CLMN: variants seen among roughly 807,000 people sequenced by gnomAD.
CLMN encodes calmin, also known as calmin (calponin-like, transmembrane).
A neutral mutation model predicts 92.7 loss-of-function variants in CLMN; 57 were observed. That is an observed-to-expected ratio of 0.61 (90% CI 0.50 to 0.77). The LOEUF (loss-of-function observed/expected upper bound fraction) is 0.77, where lower values mean the gene tolerates loss of function less well. Among genes scored for constraint, CLMN ranks in the 30% least tolerant of loss-of-function variants. The pLI, the probability that CLMN is intolerant of heterozygous loss-of-function variation, is 0.00. For synonymous variants in CLMN, 466 were observed against 470.6 expected (o/e 0.99, Z 0.13); for missense variants, 1,158 against 1,237.5 (o/e 0.94, Z 0.96).
intron 1 of CLMN, among the ~76,000 whole-genome samples, chr14:95,242,250 C>CTTTTTTTTTTTTTT (rs371417505): frequency 7.2e-4 from 67 of 92,580 alleles, no homozygotes; most frequent in Non-Finnish European, 1.0e-3. Flanking sequence ...TTTTCTTTTT[C>CTTTTTTTTTTTTTT]TTTTTTTTTT....
chr14:95,285,818 C>G (rs146404452), intron 1 of CLMN, among the ~76,000 whole-genome samples: 1 of 152,098 alleles, frequency 6.6e-6, no homozygotes, highest in African/African-American at 2.4e-5. Context: ...CTCCATGGTA[C>G]GGCCACACCC....
intron 1 of CLMN, among the ~76,000 whole-genome samples, chr14:95,261,680 G>A (rs1294832443): frequency 6.6e-6 from 1 of 152,206 alleles, no homozygotes; most frequent in Non-Finnish European, 1.5e-5. Context: ...ATTGCGACCT[G>A]GAGACCACAC....
chr14:95,210,645 TA>T (rs372749093), intron 7 of CLMN, 40 bp downstream of exon 7: 134 of 1,569,448 alleles, frequency 8.5e-5, no homozygotes, highest in Admixed American at 3.3e-4. Context: ...GGTACATTTG[TA>T]AAAAAAAATT....
chr14:95,198,792 T>C (rs1031818461), intron 9 of CLMN, among the ~76,000 whole-genome samples: 4 of 152,326 alleles, frequency 2.6e-5, no homozygotes, highest in African/African-American at 9.6e-5. Flanking sequence ...CTTTTGGCAA[T>C]TGCTGGAAGG....
chr14:95,201,343 G>A (rs1440754023), intron 9 of CLMN, among the ~76,000 whole-genome samples: 1 of 151,610 alleles, frequency 6.6e-6, no homozygotes, highest in Non-Finnish European at 1.5e-5. Flanking sequence ...CAGCGAAGAA[G>A]GCCTGGATTT....
At chr14:95,245,199 ATATATATATTATATATATATATATAT>A (rs1898441691) in intron 1 of CLMN, among the ~76,000 whole-genome samples, 2 of 35,278 alleles carry the variant, frequency 5.7e-5, no homozygotes, top group Admixed American at 4.9e-4. Context: ...TATATAATAT[ATATATATATTATATATATATATATAT>A]TATATATATA....
At chr14:95,275,684 A>G (rs530411236) in intron 1 of CLMN, among the ~76,000 whole-genome samples, 1 of 152,288 alleles carries the variant, frequency 6.6e-6, no homozygotes, top group South Asian at 2.1e-4. Flanking sequence ...TTCTTTCTGA[A>G]ACAGTTTCAC....
At chr14:95,222,644 G>A (rs899417700) in intron 3 of CLMN, 4 of 452,900 alleles carry the variant, frequency 8.8e-6, no homozygotes, top group Admixed American at 2.4e-5. Flanking sequence ...CATAAACAAG[G>A]GACTAGAAGG....
At chr14:95,255,201 G>C (rs192478101) in intron 1 of CLMN, among the ~76,000 whole-genome samples, 1 of 152,138 alleles carries the variant, frequency 6.6e-6, no homozygotes, top group Admixed American at 6.5e-5. Context: ...CTTGATCCTG[G>C]ACTTCCAGCC....
Position 95,231,094 on chromosome 14 carries a change from G to A in CLMN, c.83-961C>T, listed in dbSNP as rs560975747. ...AGGCCATGGACCAGTACTGGTCCGCGCCTGTTAGGAACTGGCCTGCACAGC... is the reference window on the plus strand; with the variant it reads ...AGGCCATGGACCAGTACTGGTCCGCACCTGTTAGGAACTGGCCTGCACAGC... On this transcript the variant is annotated intron_variant, in intron 1 of 12. Transcript: ENST00000298912. Among the ~76,000 whole-genome samples the A allele has an allele frequency of 1.1e-4, 17 of 152,266 alleles. No homozygotes were observed. In the South Asian group the frequency reaches 3.1e-3, roughly 28 times the overall value.
At chr14:95,208,218 C>A (rs376700729) in intron 8 of CLMN, among the ~76,000 whole-genome samples, 4 of 152,134 alleles carry the variant, frequency 2.6e-5, no homozygotes, top group Non-Finnish European at 4.4e-5. Flanking sequence ...ACTAGAACAA[C>A]GCTCCACAAG....
chr14:95,319,222 C>G (rs917317602), intron 1 of CLMN, among the ~76,000 whole-genome samples: 2 of 152,106 alleles, frequency 1.3e-5, no homozygotes, highest in Non-Finnish European at 2.9e-5. Flanking sequence ...CCCCTGGCCC[C>G]GCTTTCCCCA....
Position 95,256,959 on chromosome 14 carries a change from A to G in CLMN, c.83-26826T>C, listed in dbSNP as rs10132494. On this transcript the variant is annotated intron_variant, in intron 1 of 12. Transcript: ENST00000298912. The surrounding 1 kb of genome is among the most constrained non-coding windows in gnomAD (Gnocchi z 4.9). ...AAGGGCAAAGGCTGGGTGGCATCTAATGATGAATGATGTGTTCTGAGACTG... is the reference window on the plus strand; with the variant it reads ...AAGGGCAAAGGCTGGGTGGCATCTAGTGATGAATGATGTGTTCTGAGACTG... Among the ~76,000 whole-genome samples the G allele has an allele frequency of 0.11, 16,798 of 152,202 alleles. 1,258 individuals are homozygous for G. The highest frequency in any genetic ancestry group is 0.2 in the African/African-American group (8,359 of 41,484).
At chr14:95,291,327 C>T (rs1900558092) in intron 1 of CLMN, among the ~76,000 whole-genome samples, 1 of 152,188 alleles carries the variant, frequency 6.6e-6, no homozygotes, top group South Asian at 2.1e-4. Flanking sequence ...GGCCTGTAAA[C>T]AGATTTATCC....
intron 1 of CLMN, among the ~76,000 whole-genome samples, chr14:95,309,678 C>T (rs1347859355): frequency 2.0e-5 from 3 of 152,250 alleles, no homozygotes; most frequent in Non-Finnish European, 4.4e-5. Context: ...CCTATGACCA[C>T]AGCCCTGGTC....
At chr14:95,246,242 G>C (rs1329706705) in intron 1 of CLMN, among the ~76,000 whole-genome samples, 2 of 152,016 alleles carry the variant, frequency 1.3e-5, no homozygotes, top group Non-Finnish European at 2.9e-5. Flanking sequence ...ATTACCTCAG[G>C]GCCAGGCCAG....
chr14:95,270,070 G>A (rs756854454), intron 1 of CLMN, among the ~76,000 whole-genome samples: 2 of 152,198 alleles, frequency 1.3e-5, no homozygotes, highest in African/African-American at 2.4e-5. Flanking sequence ...GCTTGGCCAG[G>A]GTCAGACAGC....
At chr14:95,229,016 C>T (rs1323039946) in intron 2 of CLMN, among the ~76,000 whole-genome samples, 1 of 152,182 alleles carries the variant, frequency 6.6e-6, no homozygotes, top group African/African-American at 2.4e-5. Flanking sequence ...CGATTACCTA[C>T]AAACATGAAA....
chr14:95,242,237 C>CTTTTT (rs1898270986), intron 1 of CLMN, among the ~76,000 whole-genome samples: 1 of 113,546 alleles, frequency 8.8e-6, no homozygotes, highest in Admixed American at 8.8e-5. Context: ...CATTTCTTTT[C>CTTTTT]TTTTTTCTTT....
Sources: gnomAD v4.1 joint callset for allele counts (sites outside exome capture counted in the v4.1 genomes callset) on GRCh38, gnomAD v4.1.1 for gene constraint, Gnocchi (gnomAD v3.1) non-coding constraint, MANE v1.5 for transcripts, NCBI Gene and HGNC (gene_info 2026-07-23, HGNC 2026-07-21) for gene names.